CERS6: variants seen among roughly 807,000 people sequenced by gnomAD.
CERS6 encodes the protein ceramide synthase 6.
CERS6 carries 26 observed loss-of-function variants against 56.8 expected under a neutral mutation model. The observed-to-expected ratio is 0.46, with a 90% confidence interval of 0.34 to 0.63. The LOEUF is 0.63. CERS6 is among the 30% of genes least tolerant of loss of function. The probability of loss-of-function intolerance (pLI) is 0.01; values close to 1 mark genes in which losing one functional copy is unlikely to be tolerated. For synonymous variants in CERS6, 164 were observed against 173.3 expected (o/e 0.95, Z 0.42); for missense variants, 415 against 467.5 (o/e 0.89, Z 1.04).
chr2:168,528,025 A>G (rs1032659956), intron 1 of CERS6, among the ~76,000 whole-genome samples: 2 of 151,868 alleles, frequency 1.3e-5, no homozygotes. Flanking sequence ...CCCAGCCTCC[A>G]TGAGCCCTTT....
chr2:168,501,510 C>T (rs1694579994), intron 1 of CERS6, among the ~76,000 whole-genome samples: 1 of 152,244 alleles, frequency 6.6e-6, no homozygotes, highest in South Asian at 2.1e-4. Flanking sequence ...CAGGAGTTCC[C>T]CCTATAATGA....
At chr2:168,481,193 A>G (rs546921777) in intron 1 of CERS6, among the ~76,000 whole-genome samples, 7 of 152,282 alleles carry the variant, frequency 4.6e-5, no homozygotes, top group Admixed American at 2.0e-4. Flanking sequence ...AGGTGGGCGG[A>G]TCATGAAGTC....
In CERS6 at chr2:168,519,564, C is replaced by T. The variant is rs1053929007; in HGVS notation, c.171-28032C>T. On this transcript the variant is annotated intron_variant, in intron 1 of 9. Coordinates refer to ENST00000305747, the MANE Select transcript of CERS6 (RefSeq NM_203463.3). ...TGGAACCCCCAGTGTTTATGGTTCC[C>T]GTCTTTGTGTTTGTGCGTACCCAAT... Among the ~76,000 whole-genome samples, 9 of 152,108 alleles carry T rather than the reference C, an allele frequency of 5.9e-5. 1 individual carries two copies. The highest frequency in any genetic ancestry group is 3.3e-4 in the Admixed American group (5 of 15,258).
At chr2:168,470,788 A>T (rs1693962486) in intron 1 of CERS6, among the ~76,000 whole-genome samples, 1 of 152,112 alleles carries the variant, frequency 6.6e-6, no homozygotes, top group Non-Finnish European at 1.5e-5. Context: ...GGTTTTGTGT[A>T]TGTGTTTTAT....
chr2:168,477,667 G>C (rs540965069), intron 1 of CERS6, among the ~76,000 whole-genome samples: 7 of 152,174 alleles, frequency 4.6e-5, no homozygotes, highest in African/African-American at 1.7e-4. Context: ...ATTTCTATTA[G>C]TGTGAAGTGG....
chr2:168,619,733 G>C (rs573691238), intron 3 of CERS6, among the ~76,000 whole-genome samples: 145 of 151,934 alleles, frequency 9.5e-4, no homozygotes, highest in Middle Eastern at 6.8e-3. Context: ...CGGTGAATAG[G>C]GAACACCTCT....
chr2:168,457,121 G>C (rs1395146235), intron 1 of CERS6, among the ~76,000 whole-genome samples: 1 of 152,338 alleles, frequency 6.6e-6, no homozygotes, highest in East Asian at 1.9e-4. Context: ...CGGATTGTAG[G>C]GGTTGTGCTT....
At chr2:168,657,542 G>A (rs2105324428) in intron 4 of CERS6, among the ~76,000 whole-genome samples, 2 of 152,378 alleles carry the variant, frequency 1.3e-5, no homozygotes, top group South Asian at 4.1e-4. Context: ...GAGTGGGTGG[G>A]AGGCTCAGGC....
intron 6 of CERS6, among the ~76,000 whole-genome samples, chr2:168,698,259 A>AAG (rs1448235644): frequency 0.081 from 1,488 of 18,462 alleles, 3 homozygotes; most frequent in Middle Eastern, 0.2. Context: ...AAAAAAGAAA[A>AAG]AAAAAAAAAA....
intron 3 of CERS6, among the ~76,000 whole-genome samples, chr2:168,591,458 G>A (rs1683668356): frequency 6.6e-6 from 1 of 152,208 alleles, no homozygotes; most frequent in East Asian, 1.9e-4. Flanking sequence ...TGGGTTAATA[G>A]TGCTATCTAG....
At chr2:168,595,718 C>G (rs974517292) in intron 3 of CERS6, among the ~76,000 whole-genome samples, 1 of 152,114 alleles carries the variant, frequency 6.6e-6, no homozygotes, top group African/African-American at 2.4e-5. Flanking sequence ...TTTACCTTGT[C>G]TTTATACAGA....
At chr2:168,605,940 A>G (rs970599267) in intron 3 of CERS6, among the ~76,000 whole-genome samples, 16 of 152,210 alleles carry the variant, frequency 1.1e-4, no homozygotes, top group African/African-American at 3.6e-4. Flanking sequence ...CAGAGGGGAA[A>G]TGTGGGGTTA....
intron 8 of CERS6, among the ~76,000 whole-genome samples, chr2:168,743,028 T>G (rs1683965796): frequency 6.6e-6 from 1 of 152,120 alleles, no homozygotes; most frequent in Non-Finnish European, 1.5e-5. Flanking sequence ...GATTTTTCAC[T>G]TGAATCGATA....
chr2:168,765,292 T>G (rs1362785673), intron 8 of CERS6, among the ~76,000 whole-genome samples: 1 of 152,228 alleles, frequency 6.6e-6, no homozygotes, highest in Non-Finnish European at 1.5e-5. Flanking sequence ...TTAAAGCCAG[T>G]GAACCGTACA....
At position 168,765,011 on chromosome 2, in the gene CERS6, C is replaced by T. The variant is rs116474370; in HGVS notation, c.846-581C>T. On this transcript the variant is annotated intron_variant, in intron 8 of 9. Coordinates refer to ENST00000305747, the MANE Select transcript of CERS6 (RefSeq NM_203463.3). ...ATGAATGGATAAAATATGACTTATA[C>T]GTATTATAATTCAGCCTTAAAAAGG... 5.1e-3 allele frequency among the ~76,000 whole-genome samples: 779 copies of T among 152,206 alleles called. 4 individuals are homozygous for T. The highest frequency in any genetic ancestry group is 0.018 in the African/African-American group (747 of 41,524).
chr2:168,662,697 A>G (rs1356115457), intron 4 of CERS6, among the ~76,000 whole-genome samples: 1 of 152,038 alleles, frequency 6.6e-6, no homozygotes, highest in Non-Finnish European at 1.5e-5. Context: ...ACACCATTGC[A>G]CTCCAGCCTG....
rs75014182 is a variant in CERS6 at position 168,670,560 on chromosome 2, C to T, written c.466-20474C>T. Reference sequence around the variant, plus strand: ...GTCTTCTCTTATTCATGCCTTCTTTCCTCTGTGTGGATGGCTTATTTATAT... The same window carrying T: ...GTCTTCTCTTATTCATGCCTTCTTTTCTCTGTGTGGATGGCTTATTTATAT... On this transcript the variant is annotated intron_variant, in intron 4 of 9. Transcript: ENST00000305747. Among the ~76,000 whole-genome samples, 488 of 152,246 alleles carry T rather than the reference C, an allele frequency of 3.2e-3. 5 individuals carry two copies. The highest frequency in any genetic ancestry group is 0.011 in the African/African-American group (476 of 41,544).
intron 3 of CERS6, among the ~76,000 whole-genome samples, chr2:168,589,247 T>C (rs1047523099): frequency 6.6e-6 from 1 of 152,210 alleles, no homozygotes; most frequent in Non-Finnish European, 1.5e-5. Flanking sequence ...CTCTCTTTCT[T>C]TTGTAATAGA....
At chr2:168,564,062 G>A (rs556959158) in intron 3 of CERS6, among the ~76,000 whole-genome samples, 1 of 152,106 alleles carries the variant, frequency 6.6e-6, no homozygotes, top group Middle Eastern at 3.4e-3. Context: ...CATTTATTCT[G>A]TGTTTGCTGT....
Sources: gnomAD v4.1 joint callset for allele counts (sites outside exome capture counted in the v4.1 genomes callset) on GRCh38, gnomAD v4.1.1 for gene constraint, MANE v1.5 for transcripts, NCBI Gene and HGNC (gene_info 2026-07-23, HGNC 2026-07-21) for gene names.